The following CREM variants were observed in gnomAD, a reference collection of about 807,000 sequenced individuals.
CREM encodes cAMP-responsive element modulator.
In CREM, 13 loss-of-function variants were observed where a neutral mutation model predicts 37.3. The observed-to-expected ratio is 0.35, with a 90% CI of 0.23 to 0.55. The LOEUF (loss-of-function observed/expected upper bound fraction) is 0.55. Among genes scored for constraint, CREM ranks in the 20% least tolerant of loss-of-function variants. The pLI is 0.88. For synonymous variants in CREM, 124 were observed against 120.2 expected (o/e 1.03, Z -0.21); for missense variants, 296 against 362.3 (o/e 0.82, Z 1.49).
In CREM at chr10:35,156,253, C is replaced by CTT. The variant is rs34829879; in HGVS notation, c.168+7772_168+7773dup. Among the ~76,000 whole-genome samples the CTT allele has an allele frequency of 1.2e-3, 170 of 144,602 alleles. 1 individual carries two copies. The highest frequency in any genetic ancestry group is 1.9e-3 in the Non-Finnish European group (124 of 66,096). 94.9% of individuals were successfully genotyped at this position (144,602 alleles called of 152,430 possible). On this transcript the variant is annotated intron_variant, in intron 3 of 7. Transcript: ENST00000685392. ...AGTTCCCGGCCACCTCTTTTCTTTT[C>CTT]TTTTTTTTTTTAAGAAACAGAGTCT...
chr10:35,169,029 C>T (rs1036130382), intron 3 of CREM, among the ~76,000 whole-genome samples: 5 of 152,146 alleles, frequency 3.3e-5, no homozygotes, highest in Middle Eastern at 6.8e-3. Flanking sequence ...AGTCAGGTAA[C>T]GTGATGCCTC....
chr10:35,141,982 A>G (rs559644107), intron 2 of CREM, among the ~76,000 whole-genome samples: 9 of 152,244 alleles, frequency 5.9e-5, no homozygotes, highest in Admixed American at 5.9e-4. Flanking sequence ...AAAAGGTAGG[A>G]CTTAAAATGT....
chr10:35,155,313 T>C (rs1271107735), intron 3 of CREM, among the ~76,000 whole-genome samples: 1 of 152,176 alleles, frequency 6.6e-6, no homozygotes, highest in East Asian at 1.9e-4. Flanking sequence ...TTACTCCTTT[T>C]GCCTTTTTCT....
At chr10:35,198,206 A>G (rs781479007) in intron 6 of CREM, among the ~76,000 whole-genome samples, 4 of 152,050 alleles carry the variant, frequency 2.6e-5, no homozygotes, top group Admixed American at 2.0e-4. Flanking sequence ...GCATTTACCT[A>G]CAGGATCATG....
chr10:35,176,409 CTT>C (rs773627501), intron 3 of CREM, among the ~76,000 whole-genome samples: 35 of 133,076 alleles, frequency 2.6e-4, no homozygotes, highest in Middle Eastern at 3.6e-3. Context: ...TTTTTTTCTT[CTT>C]TTTTTTTTTT....
At chr10:35,156,638 G>A (rs2092934238) in intron 3 of CREM, among the ~76,000 whole-genome samples, 1 of 152,160 alleles carries the variant, frequency 6.6e-6, no homozygotes, top group South Asian at 2.1e-4. Context: ...GGAAAACAGA[G>A]GCTTTGGGAA....
At chr10:35,149,930 A>G (rs546321706) in intron 3 of CREM, among the ~76,000 whole-genome samples, 1 of 149,168 alleles carries the variant, frequency 6.7e-6, no homozygotes, top group African/African-American at 2.5e-5. Flanking sequence ...ACACACACAC[A>G]CACACACACC....
chr10:35,201,354 G>T, intron 6 of CREM: 1 of 1,314,774 alleles, frequency 7.6e-7, no homozygotes. Flanking sequence ...CATTTGTGGA[G>T]TGCCTGCCAT....
rs752455428 is a variant in CREM at position 35,188,344 on chromosome 10, G to C, written c.554G>C (p.Gly185Ala). The C allele has an allele frequency of 6.2e-7, 1 of 1,613,510 alleles. No individual in the cohort carries two copies. Among genetic ancestry groups the C allele is most frequent in the East Asian group, 2.2e-5 (1 of 44,852 alleles). ...CAGTACGCAGCACAATCAGCTGATG[G>C]CACACAGCAGTTCTTTGTCCCAGGC... is the stretch of plus-strand genomic sequence containing the variant. ...IVQYAAQSAD[G>A]TQQFFVPGSQ... is the part of the protein sequence containing the mutation. The change falls in exon 6 of 8, where the codon GGC becomes GCC. Residue 185 changes from glycine to alanine, a missense_variant. Gly to Ala is a moderately conservative substitution (Grantham distance 60, BLOSUM62 0). Around this residue, in one of 2 missense-constraint regions of CREM, gnomAD observed 257 missense variants for 280.2 expected, o/e 0.92. Coordinates refer to ENST00000685392, the MANE Select transcript of CREM (RefSeq NM_183011.2).
At chr10:35,187,199 A>AT (rs1349335707) in intron 5 of CREM, among the ~76,000 whole-genome samples, 2 of 77,698 alleles carry the variant, frequency 2.6e-5, no homozygotes, top group East Asian at 3.8e-4. Flanking sequence ...ATATTAATAT[A>AT]TAATATATAT....
intron 3 of CREM, among the ~76,000 whole-genome samples, chr10:35,166,039 C>T (rs1158081138): frequency 1.3e-5 from 2 of 152,040 alleles, no homozygotes; most frequent in African/African-American, 4.8e-5. Context: ...TGATCCTTTT[C>T]CCCCTTTTCA....
rs941277769 is a variant in CREM, at chr10:35,201,601, T to G, written c.599-5294T>G. The stretch of plus-strand genomic sequence containing the variant: ...AGTTAATGACCAAAATTGAGAGTTC[T>G]AGGAATTTTCTTTTCCCATGAAATA... On this transcript the variant is annotated intron_variant, in intron 6 of 7. Coordinates refer to ENST00000685392, the MANE Select transcript of CREM (RefSeq NM_183011.2). 32 of 1,339,126 alleles carry G rather than the reference T, an allele frequency of 2.4e-5. No individual in the cohort carries two copies. The African/African-American group carries it at 2.9e-4, about 12-fold the overall frequency. The allele number at this position is 1,339,126 out of a possible 1,614,324, so 83.0% of individuals were successfully genotyped here. A position where few individuals can be genotyped will look rare whatever the true frequency, so the allele number is the denominator to read the frequency against.
chr10:35,209,020 A>G (rs2095604516), intron 7 of CREM, among the ~76,000 whole-genome samples: 1 of 152,194 alleles, frequency 6.6e-6, no homozygotes, highest in Non-Finnish European at 1.5e-5. Context: ...CCAGAAGTTC[A>G]GAGATGTTAA....
intron 3 of CREM, among the ~76,000 whole-genome samples, chr10:35,169,733 C>T (rs1409306583): frequency 1.3e-5 from 2 of 152,068 alleles, no homozygotes; most frequent in East Asian, 3.9e-4. Flanking sequence ...GTGGGTTTGT[C>T]ATAAATAGCT....
intron 3 of CREM, among the ~76,000 whole-genome samples, chr10:35,149,034 CTAAT>C (rs1199279176): frequency 6.6e-6 from 1 of 152,138 alleles, no homozygotes; most frequent in African/African-American, 2.4e-5. Flanking sequence ...TCTGCTGTGT[CTAAT>C]TATTCCGGAT....
chr10:35,195,839 G>A (rs570129798), intron 6 of CREM: 4 of 542,258 alleles, frequency 7.4e-6, no homozygotes, highest in South Asian at 7.1e-5. Flanking sequence ...AAAACTCCAA[G>A]CGAGCTGCAC....
At chr10:35,187,829 A>C (rs1175041066) in intron 5 of CREM, among the ~76,000 whole-genome samples, 1 of 152,126 alleles carries the variant, frequency 6.6e-6, no homozygotes, top group Non-Finnish European at 1.5e-5. Context: ...TAAATGGTAG[A>C]AGAATGGTGT....
chr10:35,201,554 A>T, intron 6 of CREM: 1 of 1,546,400 alleles, frequency 6.5e-7, no homozygotes, highest in Non-Finnish European at 8.7e-7. Flanking sequence ...ACCGTGTTTA[A>T]AGCTTGCAAA....
intron 7 of CREM, 21 bp downstream of exon 7, chr10:35,207,072 T>A (rs758546018): frequency 6.2e-7 from 1 of 1,606,392 alleles, no homozygotes; most frequent in South Asian, 1.1e-5. Context: ...GCACAGGGAA[T>A]CGGTAACTTC....
Sources: gnomAD v4.1 joint callset for allele counts (sites outside exome capture counted in the v4.1 genomes callset) on GRCh38, gnomAD v4.1.1 for gene constraint, gnomAD v4.1.1 regional missense constraint, MANE v1.5 for transcripts, NCBI Gene and HGNC (gene_info 2026-07-23, HGNC 2026-07-21) for gene names.